Variants in SART1 observed in about 807,000 individuals in gnomAD.
SART1 encodes spliceosome associated factor 1, recruiter of U4/U6.U5 tri-snRNP.
SART1 carries 28 observed loss-of-function variants against 105.0 expected under a neutral mutation model. The observed-to-expected ratio is 0.27, with a 90% confidence interval of 0.20 to 0.37. The LOEUF is 0.37. SART1 is among the 10% of genes least tolerant of loss of function. The probability of loss-of-function intolerance (pLI) is 1.00; values close to 1 mark genes in which losing one functional copy is unlikely to be tolerated. For missense variants in SART1, 894 were observed against 1,106.5 expected (o/e 0.81, Z 2.72); for synonymous variants, 472 against 462.9 (o/e 1.02, Z -0.25).
chr11:65,966,700 C>CTCA, intron 9 of SART1, 144 bp downstream of exon 9: 1 of 932,464 alleles, frequency 1.1e-6, no homozygotes, highest in Non-Finnish European at 1.5e-6. Flanking sequence ...AAATGGCAAC[C>CTCA]GGGGGAGGCA....
intron 3 of SART1, 177 bp from the exon 4 acceptor site, chr11:65,964,912 TGTG>T: frequency 1.3e-6 from 1 of 764,170 alleles, no homozygotes; most frequent in South Asian, 2.3e-5. Flanking sequence ...AGGGTCCTGT[TGTG>T]CTGCATGGGT....
At chr11:65,966,639 A>T in intron 9 of SART1, 83 bp downstream of exon 9, 3 of 1,376,228 alleles carry the variant, frequency 2.2e-6, no homozygotes, top group Non-Finnish European at 2.9e-6. Flanking sequence ...CACTGAGAAG[A>T]CAGGGCGAGT....
intron 1 of SART1, 168 bp from the exon 2 acceptor site, chr11:65,963,906 C>T: frequency 1.6e-6 from 1 of 629,898 alleles, no homozygotes; most frequent in East Asian, 2.7e-5. Context: ...TGGACTCGGG[C>T]AGAGGAGCTG....
chr11:65,965,990 A>G lies in SART1; in HGVS notation c.838+4A>G, dbSNP rs1445010178. 6.2e-7 allele frequency: 1 copy of G among 1,614,082 alleles called. No individual in the cohort carries two copies. Among genetic ancestry groups the G allele is most frequent in the Non-Finnish European group, 8.5e-7 (1 of 1,180,022 alleles). On this transcript the variant is annotated splice_donor_region_variant and intron_variant, in intron 7 of 19. Transcript: ENST00000312397. Reference sequence around the variant, plus strand: ...ATTCTTACCCTCAAGGACAAAGGTAATGCGAGCTGGGTGCCCTGGGTGGGG... The same window carrying G: ...ATTCTTACCCTCAAGGACAAAGGTAGTGCGAGCTGGGTGCCCTGGGTGGGG...
Position 65,967,459 on chromosome 11 carries a change from T to C in SART1, c.1314-12T>C. On this transcript the variant is annotated splice_polypyrimidine_tract_variant and intron_variant, in intron 10 of 19. Transcript: ENST00000312397. ...GGGACCGGTGCTCACCAGAGAGGCC[T>C]CCTTCCCTCAGACTGCGGGGACGGG... 1 of 1,613,622 alleles carries C rather than the reference T, an allele frequency of 6.2e-7. No homozygotes were observed. The highest frequency in any genetic ancestry group is 8.5e-7 in the Non-Finnish European group (1 of 1,179,852).
At position 65,966,155 on chromosome 11, in the gene SART1, G is replaced by T. The variant is rs1358268818; in HGVS notation, c.918G>T (p.Leu306=). Residue 306 remains leucine, a synonymous_variant, in exon 8 of 20, where the codon CTG becomes CTT. Transcript: ENST00000312397. The part of the protein sequence containing the change: ...DKERAEKNVE[L]RKKKPDYLPY... ...AGCGGGCAGAGAAAAATGTGGAGCT[G>T]CGGAAGAAGAAGCCTGACTACCTGC... 1.9e-6 allele frequency: 3 copies of T among 1,614,038 alleles called. No homozygotes were observed. The highest frequency in any genetic ancestry group is 2.5e-6 in the Non-Finnish European group (3 of 1,180,032).
At chr11:65,971,469 G>T (rs1855376390) in intron 12 of SART1, among the ~76,000 whole-genome samples, 1 of 59,070 alleles carries the variant, frequency 1.7e-5, no homozygotes, top group South Asian at 7.3e-4. Flanking sequence ...CTGAGGAGGG[G>T]GATGGTGGGA....
At position 65,966,178 on chromosome 11, in the gene SART1, T is replaced by G. The variant is rs1471088339; in HGVS notation, c.941T>G (p.Leu314Arg). The G allele has an allele frequency of 6.2e-6, 10 of 1,613,904 alleles. No homozygotes were observed. The highest frequency in any genetic ancestry group is 7.6e-6 in the Non-Finnish European group (9 of 1,180,022). ...VELRKKKPDY[L>R]PYAEDESVDD... ...CTGCGGAAGAAGAAGCCTGACTACC[T>G]GCCCTATGCCGAGGACGAGAGCGTG... Residue 314 changes from leucine (L) to arginine (R), a missense_variant, in exon 8 of 20, where the codon CTG (leucine) becomes CGG (arginine). Around this residue, in one of 2 missense-constraint regions of SART1, gnomAD observed 712 missense variants for 778.2 expected, o/e 0.91. Coordinates refer to ENST00000312397, the MANE Select transcript of SART1 (RefSeq NM_005146.5).
At chr11:65,964,364 C>T (rs1855205641) in intron 2 of SART1, 151 bp from the exon 3 acceptor site, 1 of 962,884 alleles carries the variant, frequency 1.0e-6, no homozygotes, top group African/African-American at 1.6e-5. Context: ...CTTTGGAGGC[C>T]AGGGCCCTTC....
intron 1 of SART1, 100 bp downstream of exon 1, chr11:65,962,193 G>T: frequency 3.3e-6 from 3 of 908,650 alleles, no homozygotes; most frequent in Non-Finnish European, 4.6e-6. Context: ...TTCAGGCCAG[G>T]AAACCCCCAA....
chr11:65,962,121 C>A (rs1423321546), intron 1 of SART1, 28 bp downstream of exon 1: 4 of 21,758 alleles, frequency 1.8e-4, no homozygotes, highest in Non-Finnish European at 3.1e-4. Flanking sequence ...GCGCAGGGGG[C>A]GGGTCGGGCG....
At chr11:65,972,043 T>C (rs1211218638) in intron 12 of SART1, among the ~76,000 whole-genome samples, 1 of 152,004 alleles carries the variant, frequency 6.6e-6, no homozygotes, top group African/African-American at 2.4e-5. Context: ...CATACAGTCA[T>C]TGGGGGTTAG....
chr11:65,978,660 C>A lies in SART1; in HGVS notation c.2233C>A (p.Arg745=), dbSNP rs754872648. 6.3e-7 allele frequency: 1 copy of A among 1,596,340 alleles called. No homozygotes were observed. The highest frequency in any genetic ancestry group is 8.5e-7 in the Non-Finnish European group (1 of 1,171,730). The change falls in exon 18 of 20, where the codon CGG becomes AGG. Residue 745 remains arginine (R), a synonymous_variant. Coordinates refer to ENST00000312397, the MANE Select transcript of SART1 (RefSeq NM_005146.5). The surrounding 1 kb of genome is among the most constrained non-coding windows in gnomAD (Gnocchi z 6.8). Reference sequence around the variant, plus strand: ...GGGCTCAGGCAAGATGAAGACAGAGCGGCGGATGAAGAAGCTGGACGAGGA... The same window carrying A: ...GGGCTCAGGCAAGATGAAGACAGAGAGGCGGATGAAGAAGCTGGACGAGGA... The part of the protein sequence containing the change: ...GKGSGKMKTE[R]RMKKLDEEAL...
intron 12 of SART1, among the ~76,000 whole-genome samples, chr11:65,970,041 CAT>C (rs749492790): frequency 5.4e-4 from 83 of 152,296 alleles, no homozygotes; most frequent in Non-Finnish European, 9.7e-4. Flanking sequence ...GTTTTTTAAA[CAT>C]ATGAGCCACA....
chr11:65,975,367 T>C (rs56154109), intron 12 of SART1, among the ~76,000 whole-genome samples: 64,141 of 149,306 alleles, frequency 0.43, 14,234 homozygotes, highest in Admixed American at 0.57. Context: ...CCTCCCAAAG[T>C]GCTAGGATTA....
At chr11:65,972,552 C>G (rs1855399036) in intron 12 of SART1, among the ~76,000 whole-genome samples, 1 of 151,974 alleles carries the variant, frequency 6.6e-6, no homozygotes, top group Non-Finnish European at 1.5e-5. Flanking sequence ...GAATTTGAGA[C>G]CAGCCTGGGG....
chr11:65,962,017 C>A lies in SART1; in HGVS notation c.237C>A (p.His79Gln). Residue 79 changes from histidine to glutamine, a missense_variant, in exon 1 of 20, where the codon CAC becomes CAA. His to Gln is a conservative substitution (Grantham distance 24). Transcript: ENST00000312397. Reference sequence around the variant, plus strand: ...AAGCTGAGGCCCGGAGCAGCACGCACGGGCGGGAGCGCAGCCAGGCAGAGC... The same window carrying A: ...AAGCTGAGGCCCGGAGCAGCACGCAAGGGCGGGAGCGCAGCCAGGCAGAGC... ...GAEAEARSST[H>Q]GRERSQAEPS... 2 of 1,509,176 alleles carry A rather than the reference C, an allele frequency of 1.3e-6. No homozygotes were observed. Among genetic ancestry groups the A allele is most frequent in the Admixed American group, 2.1e-5 (1 of 47,056 alleles). 93.5% of individuals were successfully genotyped at this position (1,509,176 alleles called of 1,614,324 possible). A position where few individuals can be genotyped will look rare whatever the true frequency, so the allele number is the denominator to read the frequency against.
Position 65,966,124 on chromosome 11 carries a change from A to G in SART1, c.887A>G (p.Asp296Gly). Reference protein sequence around the residue: ...EDVLVNVNLVDKERAEKNVEL... With the variant: ...EDVLVNVNLVGKERAEKNVEL... ...GTGCTGGTGAACGTGAACCTGGTGGATAAGGAGCGGGCAGAGAAAAATGTG... is the reference window on the plus strand; with the variant it reads ...GTGCTGGTGAACGTGAACCTGGTGGGTAAGGAGCGGGCAGAGAAAAATGTG... Residue 296 changes from aspartate to glycine, a missense_variant, in exon 8 of 20, where the codon GAT becomes GGT. Asp to Gly is a moderately conservative substitution (Grantham distance 94). Coordinates refer to ENST00000312397, the MANE Select transcript of SART1 (RefSeq NM_005146.5). 1 of 1,613,976 alleles carries G rather than the reference A, an allele frequency of 6.2e-7. No homozygotes were observed. The highest frequency in any genetic ancestry group is 8.5e-7 in the Non-Finnish European group (1 of 1,180,014).
At chr11:65,964,179 G>T (rs779173387) in intron 2 of SART1, 48 bp downstream of exon 2, 18 of 1,540,740 alleles carry the variant, frequency 1.2e-5, no homozygotes, top group Non-Finnish European at 1.6e-5. Context: ...AAGAGAGGTG[G>T]CTCTGGGGCC....
Sources: allele counts gnomAD v4.1 joint callset (sites outside exome capture counted in the v4.1 genomes callset), GRCh38; gene constraint gnomAD v4.1.1; regional missense constraint gnomAD v4.1.1; non-coding constraint Gnocchi (gnomAD v3.1); transcripts MANE v1.5; gene names NCBI Gene and HGNC (gene_info 2026-07-23, HGNC 2026-07-21).